Variants in PUS7 observed in about 807,000 individuals in gnomAD.
The protein encoded by PUS7 is pseudouridylate synthase 7 homolog.
PUS7 carries 48 observed loss-of-function variants against 79.8 expected under a neutral mutation model. The ratio of observed to expected loss-of-function variants is 0.60; its 90% CI spans 0.48 to 0.76. The LOEUF (loss-of-function observed/expected upper bound fraction) is 0.76, where lower values mean the gene tolerates loss of function less well. Among genes scored for constraint, PUS7 ranks in the 30% least tolerant of loss-of-function variants. The probability of loss-of-function intolerance (pLI) is 0.00; values close to 1 mark genes in which losing one functional copy is unlikely to be tolerated. For missense variants in PUS7, 729 were observed against 797.6 expected (o/e 0.91, Z 1.04); for synonymous variants, 286 against 272.2 (o/e 1.05, Z -0.50).
At chr7:105,487,784 AG>A (rs1824609879) in intron 7 of PUS7, among the ~76,000 whole-genome samples, 1 of 152,238 alleles carries the variant, frequency 6.6e-6, no homozygotes, top group Non-Finnish European at 1.5e-5. Flanking sequence ...GGAGACTGGC[AG>A]GAACAGGCAG....
intron 9 of PUS7, among the ~76,000 whole-genome samples, chr7:105,478,732 GAA>G (rs1824202114): frequency 6.6e-6 from 1 of 152,184 alleles, no homozygotes; most frequent in African/African-American, 2.4e-5. Flanking sequence ...AATATAAACT[GAA>G]AGTCTGTTTT....
rs545804183 is a variant in PUS7, at chr7:105,506,034, G to A, written c.506C>T (p.Thr169Ile). 6.2e-7 allele frequency: 1 copy of A among 1,613,734 alleles called. No homozygotes were observed. Among genetic ancestry groups the A allele is most frequent in the Non-Finnish European group, 8.5e-7 (1 of 1,179,826 alleles). Residue 169 changes from threonine (T) to isoleucine (I), a missense_variant, in exon 4 of 16, where the codon ACA (threonine) becomes ATA (isoleucine). Physicochemically the swap from Thr to Ile is moderately conservative, Grantham distance 89. Transcript: ENST00000469408. ...DEEDPSEDIF[T>I]VLTAEEKQRL... ...CTGCTTTTCTTCAGCTGTCAAAACTGTAAATATGTCTTCTGAAGGGTCCTT... is the reference window on the plus strand; with the variant it reads ...CTGCTTTTCTTCAGCTGTCAAAACTATAAATATGTCTTCTGAAGGGTCCTT...
At chr7:105,516,654 A>G (rs1308777943) in intron 1 of PUS7, among the ~76,000 whole-genome samples, 2 of 152,058 alleles carry the variant, frequency 1.3e-5, no homozygotes, top group East Asian at 3.9e-4. Context: ...GAGTTTCACC[A>G]TGTTGGTCAG....
At chr7:105,514,814 C>G (rs1193558246) in intron 1 of PUS7, among the ~76,000 whole-genome samples, 1 of 147,468 alleles carries the variant, frequency 6.8e-6, no homozygotes, top group Non-Finnish European at 1.5e-5. Flanking sequence ...TTTTTTGAGA[C>G]GGAGTCTCGC....
intron 1 of PUS7, among the ~76,000 whole-genome samples, chr7:105,513,117 C>T (rs950367168): frequency 9.9e-5 from 15 of 152,184 alleles, no homozygotes; most frequent in African/African-American, 3.6e-4. Context: ...TGGAGACGAT[C>T]TGCGGGCACT....
Position 105,470,668 on chromosome 7 carries a change from A to G in PUS7, c.1398+20T>C. On this transcript the variant is annotated intron_variant, in intron 11 of 15. Transcript: ENST00000469408. The stretch of plus-strand genomic sequence containing the variant: ...TTAAAACGCCTTGAGCCATTGCCTG[A>G]CTTCACAAATTGCACTCACTATGCC... 1 of 1,546,646 alleles carries G rather than the reference A, an allele frequency of 6.5e-7. No homozygotes were observed. Among genetic ancestry groups the G allele is most frequent in the East Asian group, 2.3e-5 (1 of 43,658 alleles).
At chr7:105,472,247 T>G (rs1823904731) in intron 9 of PUS7, 54 bp from the exon 10 acceptor site, 2 of 1,091,200 alleles carry the variant, frequency 1.8e-6, no homozygotes, top group South Asian at 1.3e-5. Flanking sequence ...TAAAACTTTA[T>G]ATGCACAAAT....
intron 1 of PUS7, among the ~76,000 whole-genome samples, chr7:105,518,186 A>G (rs897670859): frequency 4.6e-5 from 7 of 151,610 alleles, no homozygotes; most frequent in African/African-American, 1.5e-4. Context: ...GGTGGCATGC[A>G]CCTGTAGTCC....
At chr7:105,495,855 C>T (rs1824990963) in intron 5 of PUS7, among the ~76,000 whole-genome samples, 1 of 152,068 alleles carries the variant, frequency 6.6e-6, no homozygotes, top group African/African-American at 2.4e-5. Context: ...TTGTTCAATC[C>T]TGTGTTAAAC....
At chr7:105,506,358 T>C in intron 2 of PUS7, 85 bp from the exon 3 acceptor site, 1 of 931,036 alleles carries the variant, frequency 1.1e-6, no homozygotes, top group African/African-American at 1.7e-5. Flanking sequence ...CAGCAAGCCT[T>C]ACTATTATGC....
intron 4 of PUS7, among the ~76,000 whole-genome samples, chr7:105,503,603 A>T (rs967380658): frequency 1.3e-5 from 2 of 152,168 alleles, no homozygotes; most frequent in African/African-American, 4.8e-5. Context: ...TACTATTTGC[A>T]ATGCACAAGT....
chr7:105,516,824 C>G (rs1263257296), intron 1 of PUS7, among the ~76,000 whole-genome samples: 1 of 151,780 alleles, frequency 6.6e-6, no homozygotes, highest in Non-Finnish European at 1.5e-5. Flanking sequence ...TAGAAGAGGC[C>G]TGAGAGAATT....
chr7:105,517,329 T>A (rs1825934895), intron 1 of PUS7, among the ~76,000 whole-genome samples: 1 of 151,558 alleles, frequency 6.6e-6, no homozygotes, highest in Admixed American at 6.6e-5. Context: ...CCTGGCTAAT[T>A]TTTGTATTTT....
At chr7:105,469,064 G>C (rs1453969067) in intron 11 of PUS7, among the ~76,000 whole-genome samples, 2 of 151,188 alleles carry the variant, frequency 1.3e-5, no homozygotes, top group Admixed American at 1.3e-4. Context: ...ACCATGCCAG[G>C]CTAGTTCTTT....
intron 12 of PUS7, among the ~76,000 whole-genome samples, 200 bp downstream of exon 12, chr7:105,468,137 T>C (rs1164756880): frequency 2.0e-5 from 3 of 152,160 alleles, no homozygotes; most frequent in Non-Finnish European, 4.4e-5. Flanking sequence ...TTCTTCATAT[T>C]GGCCAGGCTG....
chr7:105,516,342 A>G (rs1398106251), intron 1 of PUS7, among the ~76,000 whole-genome samples: 1 of 152,202 alleles, frequency 6.6e-6, no homozygotes, highest in Non-Finnish European at 1.5e-5. Flanking sequence ...AGCGGAGAGC[A>G]TATTTACTAG....
intron 1 of PUS7, among the ~76,000 whole-genome samples, chr7:105,515,094 T>C (rs2133287727): frequency 6.6e-6 from 1 of 152,118 alleles, no homozygotes; most frequent in South Asian, 2.1e-4. Flanking sequence ...GCGCCTGGCC[T>C]ACAATGACTA....
At chr7:105,484,884 G>C (rs1279651391) in intron 7 of PUS7, among the ~76,000 whole-genome samples, 1 of 143,106 alleles carries the variant, frequency 7.0e-6, no homozygotes, top group Non-Finnish European at 1.5e-5. Flanking sequence ...TTTTTAAGAC[G>C]GAGTCTTGCT....
chr7:105,487,869 G>C (rs1824617405), intron 7 of PUS7, among the ~76,000 whole-genome samples: 1 of 152,202 alleles, frequency 6.6e-6, no homozygotes, highest in African/African-American at 2.4e-5. Flanking sequence ...TGGCTTTAGA[G>C]TTTCATGAAG....
Sources: allele counts gnomAD v4.1 joint callset (sites outside exome capture counted in the v4.1 genomes callset), GRCh38; gene constraint gnomAD v4.1.1; transcripts MANE v1.5; gene names NCBI Gene and HGNC (gene_info 2026-07-23, HGNC 2026-07-21).